The following MGAT4C variants were observed in gnomAD, a reference collection of about 807,000 sequenced individuals.
The protein encoded by MGAT4C is alpha-1,3-mannosyl-glycoprotein 4-beta-N-acetylglucosaminyltransferase C.
MGAT4C carries 19 observed loss-of-function variants against 40.1 expected under a neutral mutation model. That is an observed-to-expected ratio of 0.47 (90% CI 0.33 to 0.70). The LOEUF is 0.70. MGAT4C is among the 30% of genes least tolerant of loss of function. The pLI, the probability that MGAT4C is intolerant of heterozygous loss-of-function variation, is 0.02. For synonymous variants in MGAT4C, 181 were observed against 187.1 expected, an observed-to-expected ratio of 0.97 and a Z score of 0.27; for missense variants, 491 against 563.2, an observed-to-expected ratio of 0.87 and a Z score of 1.30.
At chr12:86,828,280 ATT>A in intron 1 of MGAT4C, among the ~76,000 whole-genome samples, 1 of 151,130 alleles carries the variant, frequency 6.6e-6, no homozygotes, top group East Asian at 1.9e-4. Context: ...ATAATAAATA[ATT>A]TTAACTATAT....
intron 1 of MGAT4C, among the ~76,000 whole-genome samples, chr12:86,794,769 CAG>C (rs1483046440): frequency 1.3e-4 from 20 of 151,826 alleles, no homozygotes; most frequent in Admixed American, 9.8e-4. Flanking sequence ...TGAGTACAAA[CAG>C]AAATCAATTT....
chr12:86,727,824 A>G (rs1950847819), intron 1 of MGAT4C, among the ~76,000 whole-genome samples: 2 of 152,194 alleles, frequency 1.3e-5, no homozygotes, highest in South Asian at 4.1e-4. Flanking sequence ...ATATGAAAAG[A>G]TCTATGTTGT....
At chr12:86,577,514 A>G (rs571143091) in intron 2 of MGAT4C, among the ~76,000 whole-genome samples, 1 of 151,748 alleles carries the variant, frequency 6.6e-6, no homozygotes, top group Non-Finnish European at 1.5e-5. Context: ...TTTTTATCAT[A>G]AAGGGACATT....
At chr12:86,268,983 T>C (rs1461573957) in intron 4 of MGAT4C, among the ~76,000 whole-genome samples, 1 of 139,284 alleles carries the variant, frequency 7.2e-6, no homozygotes, top group African/African-American at 2.6e-5. Flanking sequence ...CACATCTCAT[T>C]TGCCTTTTGT....
intron 2 of MGAT4C, among the ~76,000 whole-genome samples, chr12:86,650,758 G>C (rs994018173): frequency 2.0e-5 from 3 of 151,836 alleles, no homozygotes; most frequent in African/African-American, 7.2e-5. Context: ...TAAAGGGATT[G>C]GTTTATTACT....
At chr12:86,564,372 C>T (rs1477818393) in intron 2 of MGAT4C, among the ~76,000 whole-genome samples, 2 of 152,084 alleles carry the variant, frequency 1.3e-5, no homozygotes, top group African/African-American at 2.4e-5. Context: ...AATATACCTT[C>T]ACTGTTGTAC....
intron 1 of MGAT4C, among the ~76,000 whole-genome samples, chr12:86,250,113 G>A (rs1952205898): frequency 6.6e-6 from 1 of 152,068 alleles, no homozygotes; most frequent in African/African-American, 2.4e-5. Context: ...AAAGTGAAGG[G>A]AAAATACCTT....
At chr12:86,641,909 G>A (rs1476900478) in intron 2 of MGAT4C, among the ~76,000 whole-genome samples, 1 of 151,816 alleles carries the variant, frequency 6.6e-6, no homozygotes, top group Non-Finnish European at 1.5e-5. Flanking sequence ...GCTCATGTTT[G>A]CTTGGAAATA....
intron 1 of MGAT4C, among the ~76,000 whole-genome samples, chr12:86,776,854 A>G (rs1951756496): frequency 6.6e-6 from 1 of 152,156 alleles, no homozygotes; most frequent in South Asian, 2.1e-4. Flanking sequence ...TTAAAGGATG[A>G]TTGCTAAAAT....
intron 4 of MGAT4C, among the ~76,000 whole-genome samples, chr12:86,293,250 GA>G (rs1305390210): frequency 6.6e-6 from 1 of 151,978 alleles, no homozygotes; most frequent in African/African-American, 2.4e-5. Context: ...GTTAAATGTT[GA>G]AAAAAATAGA....
At chr12:85,990,074 A>T (rs1251505314) in intron 2 of MGAT4C, among the ~76,000 whole-genome samples, 1 of 152,056 alleles carries the variant, frequency 6.6e-6, no homozygotes, top group African/African-American at 2.4e-5. Flanking sequence ...CTGTGGGGTA[A>T]ATCCAAACAT....
chr12:86,648,130 T>C (rs1963595617), intron 2 of MGAT4C, among the ~76,000 whole-genome samples: 1 of 151,928 alleles, frequency 6.6e-6, no homozygotes, highest in Non-Finnish European at 1.5e-5. Context: ...TCTAGGTTTA[T>C]GTTTAGGGTT....
intron 1 of MGAT4C, among the ~76,000 whole-genome samples, chr12:86,251,424 C>T (rs547314838): frequency 2.0e-3 from 301 of 152,044 alleles, no homozygotes; most frequent in African/African-American, 6.6e-3. Context: ...ACAATTTGCA[C>T]GCACTTATTG....
chr12:86,794,166 G>T (rs917937309), intron 1 of MGAT4C, among the ~76,000 whole-genome samples: 3 of 151,550 alleles, frequency 2.0e-5, no homozygotes, highest in African/African-American at 7.3e-5. Flanking sequence ...AGTTATAATA[G>T]ATTTTATAAA....
chr12:86,241,536 A>C (rs2136045828), intron 1 of MGAT4C, among the ~76,000 whole-genome samples: 1 of 152,240 alleles, frequency 6.6e-6, no homozygotes, highest in African/African-American at 2.4e-5. Context: ...GATAGCTTGT[A>C]ATTCATTACT....
At position 86,098,670 on chromosome 12, in the gene MGAT4C, A is replaced by G. The variant is rs531940252; in HGVS notation, c.-56-48947T>C. On this transcript the variant is annotated intron_variant, in intron 1 of 4. Transcript: ENST00000611864. ...GATCACTAATTTCTCCATAACTAAC[A>G]TAGATCTTTTAAAAATATAAATGGA... 4.9e-4 allele frequency among the ~76,000 whole-genome samples: 74 copies of G among 151,724 alleles called. 1 individual carries two copies. The highest frequency in any genetic ancestry group is 1.7e-3 in the African/African-American group (71 of 41,504).
intron 2 of MGAT4C, among the ~76,000 whole-genome samples, chr12:86,436,817 T>C (rs1455647237): frequency 3.3e-5 from 5 of 151,784 alleles, no homozygotes; most frequent in African/African-American, 9.7e-5. Context: ...TTGAGACCTT[T>C]TCCTATGCCT....
intron 2 of MGAT4C, among the ~76,000 whole-genome samples, chr12:86,614,738 T>C (rs1418567113): frequency 1.3e-5 from 2 of 152,044 alleles, no homozygotes; most frequent in African/African-American, 2.4e-5. Flanking sequence ...GCTCATTAAA[T>C]AGTATTGATG....
Position 85,957,657 on chromosome 12 carries a change from C to CAAAAAAAAAAAAAAAAAAA in MGAT4C, c.*21631_*21632insTTTTTTTTTTTTTTTTTTT, listed in dbSNP as rs5799763. The CAAAAAAAAAAAAAAAAAAA allele has an allele frequency of 3.9e-5, 4 of 101,290 alleles. No homozygotes were observed. Among genetic ancestry groups the CAAAAAAAAAAAAAAAAAAA allele is most frequent in the African/African-American group, 8.1e-5 (2 of 24,782 alleles). The allele number at this position is 101,290 out of a possible 1,614,324, so 6.3% of individuals were successfully genotyped here. ...TTTACTGTAGAGTTGAATAAGAAAG[C>CAAAAAAAAAAAAAAAAAAA]AAAAAAAAAAAAAAAAGAAAAAAGA... On this transcript the variant is annotated 3_prime_UTR_variant, in exon 5 of 5. Transcript: ENST00000611864.
Sources: allele counts gnomAD v4.1 joint callset (sites outside exome capture counted in the v4.1 genomes callset), GRCh38; gene constraint gnomAD v4.1.1; transcripts MANE v1.5; gene names NCBI Gene and HGNC (gene_info 2026-07-23, HGNC 2026-07-21).